The following NAV3 variants were observed in gnomAD, a reference collection of about 807,000 sequenced individuals.
The protein encoded by NAV3 is neuron navigator 3, also known as pore membrane and/or filament interacting like protein 1.
A neutral mutation model predicts 244.7 loss-of-function variants in NAV3; 87 were observed. The ratio of observed to expected loss-of-function variants is 0.36; its 90% CI spans 0.30 to 0.42. The LOEUF (loss-of-function observed/expected upper bound fraction) is 0.42, where lower values mean the gene tolerates loss of function less well. Among genes scored for constraint, NAV3 ranks in the 20% least tolerant of loss-of-function variants. The pLI, the probability that NAV3 is intolerant of heterozygous loss-of-function variation, is 1.00. For synonymous variants in NAV3, 1,126 were observed against 1,042.2 expected (o/e 1.08, Z -1.55); for missense variants, 2,663 against 2,893.3 (o/e 0.92, Z 1.83).
At chr12:77,996,217 A>G (rs1393854938) in intron 6 of NAV3, among the ~76,000 whole-genome samples, 1 of 152,182 alleles carries the variant, frequency 6.6e-6, no homozygotes, top group Non-Finnish European at 1.5e-5. Context: ...GTCTATGCCT[A>G]TGTCTACAGA....
chr12:77,694,021 A>G (rs1337468457), intron 2 of NAV3, among the ~76,000 whole-genome samples: 1 of 152,082 alleles, frequency 6.6e-6, no homozygotes, highest in Non-Finnish European at 1.5e-5. Context: ...TTGCTACAGT[A>G]ATGCAATCCC....
intron 2 of NAV3, among the ~76,000 whole-genome samples, chr12:77,723,507 T>TGAC: frequency 6.6e-6 from 1 of 151,746 alleles, no homozygotes; most frequent in Non-Finnish European, 1.5e-5. Flanking sequence ...AAGCCAATGA[T>TGAC]AAACAAAATA....
At chr12:77,703,069 C>T (rs1006747241) in intron 2 of NAV3, among the ~76,000 whole-genome samples, 7 of 151,950 alleles carry the variant, frequency 4.6e-5, no homozygotes, top group Admixed American at 1.3e-4. Flanking sequence ...TCATAAAAGT[C>T]ACTTATTTTA....
chr12:77,799,872 T>C (rs1396629574), intron 2 of NAV3, among the ~76,000 whole-genome samples: 1 of 152,158 alleles, frequency 6.6e-6, no homozygotes, highest in African/African-American at 2.4e-5. Flanking sequence ...CGATATGTAG[T>C]TATAATCTTT....
intron 2 of NAV3, among the ~76,000 whole-genome samples, chr12:77,819,570 C>T (rs1303045449): frequency 2.6e-5 from 4 of 151,792 alleles, no homozygotes; most frequent in African/African-American, 9.7e-5. Flanking sequence ...TTTTTCTACT[C>T]TCACCGTTGC....
intron 2 of NAV3, among the ~76,000 whole-genome samples, chr12:77,654,485 T>A (rs752592996): frequency 3.9e-5 from 6 of 152,174 alleles, no homozygotes; most frequent in African/African-American, 7.2e-5. Context: ...CCACAGCTCA[T>A]GGAGGCCTGC....
chr12:77,814,181 G>T (rs1189709388), intron 2 of NAV3, among the ~76,000 whole-genome samples: 1 of 151,796 alleles, frequency 6.6e-6, no homozygotes, highest in African/African-American at 2.4e-5. Flanking sequence ...GCACTCACAA[G>T]CCTAATTTCC....
intron 2 of NAV3, among the ~76,000 whole-genome samples, chr12:77,650,027 T>A (rs1872756702): frequency 6.6e-6 from 1 of 152,164 alleles, no homozygotes; most frequent in South Asian, 2.1e-4. Context: ...CCTGTGTTCT[T>A]TTTGTCTTAA....
chr12:78,017,195 G>A (rs1444085202), intron 8 of NAV3, among the ~76,000 whole-genome samples: 2 of 152,072 alleles, frequency 1.3e-5, no homozygotes, highest in Non-Finnish European at 2.9e-5. Flanking sequence ...CACCACACTT[G>A]GCACATATTA....
chr12:77,669,857 T>TTTTTATTGTTAAGAATA (rs1389169745), intron 2 of NAV3, among the ~76,000 whole-genome samples: 1 of 152,046 alleles, frequency 6.6e-6, no homozygotes, highest in Non-Finnish European at 1.5e-5. Flanking sequence ...TTAACAAATA[T>TTTTTATTGTTAAGAATA]TTAATGAACA....
At chr12:78,096,118 T>C (rs1261926048) in intron 12 of NAV3, among the ~76,000 whole-genome samples, 1 of 152,190 alleles carries the variant, frequency 6.6e-6, no homozygotes, top group Non-Finnish European at 1.5e-5. Flanking sequence ...ATTCACTATT[T>C]GGCAAATAAA....
At chr12:78,077,217 G>A (rs1953095454) in intron 12 of NAV3, among the ~76,000 whole-genome samples, 2 of 151,866 alleles carry the variant, frequency 1.3e-5, no homozygotes, top group Non-Finnish European at 2.9e-5. Context: ...AGAAAGCTCT[G>A]TTGTACAAAT....
chr12:77,665,751 T>C (rs1276319053), intron 2 of NAV3, among the ~76,000 whole-genome samples: 1 of 152,190 alleles, frequency 6.6e-6, no homozygotes, highest in Non-Finnish European at 1.5e-5. Context: ...CAACTGAGGC[T>C]CAGTCAGTAA....
chr12:78,011,529 A>G (rs935021937), intron 8 of NAV3, among the ~76,000 whole-genome samples: 2 of 152,210 alleles, frequency 1.3e-5, no homozygotes, highest in Admixed American at 6.6e-5. Flanking sequence ...AGGGTAAGGC[A>G]TAAAAGATGA....
At chr12:78,013,240 C>T (rs986249817) in intron 8 of NAV3, among the ~76,000 whole-genome samples, 2 of 152,066 alleles carry the variant, frequency 1.3e-5, no homozygotes, top group Admixed American at 1.3e-4. Flanking sequence ...CGTCCTATGT[C>T]GTTTTCTTTT....
intron 2 of NAV3, among the ~76,000 whole-genome samples, chr12:77,778,505 G>A (rs943144918): frequency 1.3e-5 from 2 of 151,382 alleles, no homozygotes; most frequent in Admixed American, 6.6e-5. Flanking sequence ...CCAGCTACTC[G>A]GGAGGCTGAG....
At chr12:77,618,073 G>T (rs1303991762) in intron 2 of NAV3, among the ~76,000 whole-genome samples, 1 of 152,124 alleles carries the variant, frequency 6.6e-6, no homozygotes, top group Admixed American at 6.6e-5. Context: ...CTGATTAGTA[G>T]TATAGAATTT....
chr12:77,764,739 T>C (rs988079205), intron 2 of NAV3, among the ~76,000 whole-genome samples: 3 of 152,358 alleles, frequency 2.0e-5, no homozygotes, highest in Middle Eastern at 3.4e-3. Context: ...TTGTAGGAGA[T>C]CTATGCTTGT....
chr12:77,828,591 C>T (rs1873261032), upstream of NAV3, among the ~76,000 whole-genome samples: 1 of 152,076 alleles, frequency 6.6e-6, no homozygotes, highest in Admixed American at 6.6e-5. Context: ...TCCTAGGTCT[C>T]AAAACGGTGT....
Sources: gnomAD v4.1 joint callset for allele counts (sites outside exome capture counted in the v4.1 genomes callset) on GRCh38, gnomAD v4.1.1 for gene constraint, MANE v1.5 for transcripts, NCBI Gene and HGNC (gene_info 2026-07-23, HGNC 2026-07-21) for gene names.